Variants in ECE1 observed in about 807,000 individuals in gnomAD.
ECE1 encodes the protein endothelin-converting enzyme 1.
A neutral mutation model predicts 98.6 loss-of-function variants in ECE1; 35 were observed. That is an observed-to-expected ratio of 0.35 (90% CI 0.27 to 0.47). The LOEUF (loss-of-function observed/expected upper bound fraction) is 0.47. Ranked by LOEUF, ECE1 falls within the 20% of genes least tolerant of loss-of-function variation. ECE1 has a pLI of 1.00. For synonymous variants in ECE1, 394 were observed against 407.1 expected, an observed-to-expected ratio of 0.97 and a Z score of 0.39; for missense variants, 814 against 1,025.3, an observed-to-expected ratio of 0.79 and a Z score of 2.81.
chr1:21,234,326 A>G (rs28368023), intron 13 of ECE1, among the ~76,000 whole-genome samples: 2,281 of 151,294 alleles, frequency 0.015, 27 homozygotes, highest in Non-Finnish European at 0.024. Context: ...GTGGCTTTTA[A>G]ATTTAATTTA....
In ECE1 at chr1:21,290,417, TG is replaced by T; in HGVS notation, c.-4del. The T allele has an allele frequency of 1.6e-6, 2 of 1,232,726 alleles. No homozygotes were observed. The highest frequency in any genetic ancestry group is 2.0e-6 in the Non-Finnish European group (2 of 989,218). The allele number at this position is 1,232,726 out of a possible 1,614,324, so 76.4% of individuals were successfully genotyped here. On this transcript the variant is annotated 5_prime_UTR_variant, in exon 1 of 19. Coordinates refer to ENST00000374893, the MANE Select transcript of ECE1 (RefSeq NM_001397.3). This position sits in a 1 kb window ranked among gnomAD's most constrained non-coding sequence, Gnocchi z 7.3. ...GGGGGCGGCCACACGCCCCGCATGC[TG>T]TGCCCCAGACGCCTGGTCCCGCTGC... is the stretch of plus-strand genomic sequence containing the variant.
chr1:21,315,363 G>A (rs957744757), intron 1 of ECE1, among the ~76,000 whole-genome samples: 2 of 152,232 alleles, frequency 1.3e-5, no homozygotes, highest in Non-Finnish European at 2.9e-5. Flanking sequence ...CAACCTCAGA[G>A]ATGAGCTGTC....
chr1:21,227,304 A>C, intron 15 of ECE1, 78 bp from the exon 16 acceptor site: 2 of 1,403,962 alleles, frequency 1.4e-6, no homozygotes, highest in East Asian at 2.3e-5. Flanking sequence ...TGTGACCCTC[A>C]CTTCCTGGGC....
At chr1:21,247,155 G>A in intron 9 of ECE1, 66 bp downstream of exon 9, 2 of 1,610,682 alleles carry the variant, frequency 1.2e-6, no homozygotes, top group Non-Finnish European at 1.7e-6. Context: ...CCCCACCCCT[G>A]CCCACCTGCC....
chr1:21,317,415 G>T (rs1279462105), intron 1 of ECE1, among the ~76,000 whole-genome samples: 3 of 152,312 alleles, frequency 2.0e-5, no homozygotes, highest in African/African-American at 7.2e-5. Flanking sequence ...AGAGGGGAAG[G>T]CCAGCTCGCA....
intron 1 of ECE1, among the ~76,000 whole-genome samples, chr1:21,308,304 A>C (rs1244449694): frequency 6.6e-6 from 1 of 152,138 alleles, no homozygotes; most frequent in African/African-American, 2.4e-5. Context: ...GGGCCTAGCC[A>C]ATGAGGGACA....
rs755302739 is a variant in ECE1 at position 21,221,706 on chromosome 1, C to CA, written c.2136+40dup. Reference sequence around the variant, plus strand: ...CTGGGCTCTTGAAACATCAAGATGGCAGAATGTACCATGTGTGGCATGTTT... The same window carrying CA: ...CTGGGCTCTTGAAACATCAAGATGGCAAGAATGTACCATGTGTGGCATGTTT... On this transcript the variant is annotated intron_variant, in intron 18 of 18. Coordinates refer to ENST00000374893, the MANE Select transcript of ECE1 (RefSeq NM_001397.3). 7 of 1,596,234 alleles carry CA rather than the reference C, an allele frequency of 4.4e-6. No homozygotes were observed. In the African/African-American group the frequency reaches 9.4e-5, roughly 21 times the overall value.
rs28367955 is a variant in ECE1, at chr1:21,272,440, C to T, written c.493+259G>A. ...CCGAGTAGTTGGGACTACAGGCGCA[C>T]GCCACCATGCCTAGCTAATTTTTGT... On this transcript the variant is annotated intron_variant, in intron 4 of 18. Coordinates refer to ENST00000374893, the MANE Select transcript of ECE1 (RefSeq NM_001397.3). Among the ~76,000 whole-genome samples the T allele has an allele frequency of 3.9e-3, 593 of 152,324 alleles. 6 individuals carry two copies. The highest frequency in any genetic ancestry group is 0.013 in the African/African-American group (553 of 41,562).
In ECE1 at chr1:21,247,210, G is replaced by A; in HGVS notation, c.1163+11C>T. The A allele has an allele frequency of 6.2e-7, 1 of 1,614,150 alleles. No homozygotes were observed. The highest frequency in any genetic ancestry group is 8.5e-7 in the Non-Finnish European group (1 of 1,180,030). The stretch of plus-strand genomic sequence containing the variant: ...GAGAGGCGTGCCCCAGGCCACTGGG[G>A]GTCCTCTTACCATCTGTCGGTGGTG... On this transcript the variant is annotated intron_variant, in intron 9 of 18. Transcript: ENST00000374893.
chr1:21,227,370 C>T, intron 15 of ECE1, 144 bp from the exon 16 acceptor site: 1 of 848,726 alleles, frequency 1.2e-6, no homozygotes, highest in East Asian at 2.6e-5. Context: ...GTGGTCATGG[C>T]CTGAGTCTCC....
In ECE1 at chr1:21,290,113, A is replaced by C; in HGVS notation, c.95T>G (p.Val32Gly). ...KRATLDEEDL[V>G]DSLSEGDAYP... is the part of the protein sequence containing the mutation. Reference sequence around the variant, plus strand: ...TGCGTCGCCCTCGGAGAGCGAGTCCACCAGGTCCTCCTCGTCCAGCGTGGC... The same window carrying C: ...TGCGTCGCCCTCGGAGAGCGAGTCCCCCAGGTCCTCCTCGTCCAGCGTGGC... Residue 32 changes from valine to glycine, a missense_variant, in exon 2 of 19, where the codon GTG becomes GGG. Coordinates refer to ENST00000374893, the MANE Select transcript of ECE1 (RefSeq NM_001397.3). This position sits in a 1 kb window ranked among gnomAD's most constrained non-coding sequence, Gnocchi z 7.3. 6.4e-7 allele frequency: 1 copy of C among 1,556,546 alleles called. No homozygotes were observed. Among genetic ancestry groups the C allele is most frequent in the Non-Finnish European group, 8.7e-7 (1 of 1,152,170 alleles).
At chr1:21,336,798 G>A (rs768222702) in intron 1 of ECE1, among the ~76,000 whole-genome samples, 14 of 152,110 alleles carry the variant, frequency 9.2e-5, no homozygotes, top group Non-Finnish European at 1.2e-4. Context: ...AGCCGAGATC[G>A]CGCCACTGCA....
chr1:21,266,855 C>T (rs532194860), intron 4 of ECE1: 2 of 152,356 alleles, frequency 1.3e-5, no homozygotes, highest in Admixed American at 1.3e-4. Flanking sequence ...CAGGTTGGCT[C>T]AGAAAACCGG....
chr1:21,231,195 T>A (rs1240427410), intron 14 of ECE1, among the ~76,000 whole-genome samples: 1 of 152,160 alleles, frequency 6.6e-6, no homozygotes, highest in African/African-American at 2.4e-5. Flanking sequence ...TATATAGTCA[T>A]GAGGTATTTG....
rs1338950799 is a variant in ECE1 at position 21,275,214 on chromosome 1, C to G, written c.281-2303G>C. Among the ~76,000 whole-genome samples the G allele has an allele frequency of 1.3e-5, 2 of 152,118 alleles. 1 individual carries two copies. Among genetic ancestry groups the G allele is most frequent in the Non-Finnish European group, 2.9e-5 (2 of 68,022 alleles). On this transcript the variant is annotated intron_variant, in intron 3 of 18. Transcript: ENST00000374893. The stretch of plus-strand genomic sequence containing the variant: ...TATGTGTCTGTGTGTGAGAGAGAGA[C>G]AGACTGATTAATTAACTGATAAAGG...
chr1:21,282,639 C>G (rs2098256159), intron 2 of ECE1, among the ~76,000 whole-genome samples: 1 of 151,224 alleles, frequency 6.6e-6, no homozygotes, highest in South Asian at 2.1e-4. Flanking sequence ...ACCCCTGTGC[C>G]TGGTGCTGGC....
At chr1:21,320,340 G>A (rs1005290991) in intron 1 of ECE1, among the ~76,000 whole-genome samples, 2 of 152,222 alleles carry the variant, frequency 1.3e-5, no homozygotes, top group Non-Finnish European at 2.9e-5. Context: ...GGACTGCTAC[G>A]ATCAAATGGG....
Position 21,345,150 on chromosome 1 carries a change from G to C in ECE1, c.3+226C>G. The C allele has an allele frequency of 2.4e-6, 1 of 416,936 alleles. No individual in the cohort carries two copies. Among genetic ancestry groups the C allele is most frequent in the Non-Finnish European group, 3.5e-6 (1 of 284,106 alleles). 25.8% of individuals were successfully genotyped at this position (416,936 alleles called of 1,614,324 possible). On this transcript the variant is annotated intron_variant, in intron 1 of 18. Transcript: ENST00000415912. The surrounding 1 kb of genome is among the most constrained non-coding windows in gnomAD (Gnocchi z 5.1). ...CCGGCTGGGACCAGAACCAAGCTCG[G>C]CGCGGCCGCCCCCGACGGGACCAAG...
Position 21,222,198 on chromosome 1 carries a change from C to T in ECE1, c.2041-356G>A, listed in dbSNP as rs570216123. The T allele has an allele frequency of 6.7e-4, 217 of 321,554 alleles. 1 individual carries two copies. The highest frequency in any genetic ancestry group is 4.3e-3 in the African/African-American group (204 of 47,070). 19.9% of individuals were successfully genotyped at this position (321,554 alleles called of 1,614,324 possible). ...TGCACACACACACACATACACACAA[C>T]TTTTCCCATCATAGTCAATGGTACC... is the stretch of plus-strand genomic sequence containing the variant. On this transcript the variant is annotated intron_variant, in intron 17 of 18. Transcript: ENST00000374893.
Sources: gnomAD v4.1 joint callset for allele counts (sites outside exome capture counted in the v4.1 genomes callset) on GRCh38, gnomAD v4.1.1 for gene constraint, Gnocchi (gnomAD v3.1) non-coding constraint, MANE v1.5 for transcripts, NCBI Gene and HGNC (gene_info 2026-07-23, HGNC 2026-07-21) for gene names.